DOCK2: variants seen among roughly 807,000 people sequenced by gnomAD.
The protein encoded by DOCK2 is dedicator of cytokinesis 2.
DOCK2 carries 87 observed loss-of-function variants against 248.9 expected under a neutral mutation model. The observed-to-expected ratio is 0.35, with a 90% confidence interval of 0.29 to 0.42. The LOEUF (loss-of-function observed/expected upper bound fraction) is 0.42. Ranked by LOEUF, DOCK2 falls within the 10% of genes least tolerant of loss-of-function variation. The pLI is 1.00. For missense variants in DOCK2, 1,747 were observed against 2,300.2 expected (o/e 0.76, Z 4.92); for synonymous variants, 805 against 821.6 (o/e 0.98, Z 0.35).
chr5:169,831,658 T>C (rs145264803), intron 26 of DOCK2, among the ~76,000 whole-genome samples: 422 of 152,350 alleles, frequency 2.8e-3, no homozygotes, highest in Admixed American at 2.7e-3. Flanking sequence ...CTTTCTCCCA[T>C]TTTATATGTG....
At chr5:169,898,488 G>A (rs1207686096) in intron 27 of DOCK2, among the ~76,000 whole-genome samples, 1 of 151,868 alleles carries the variant, frequency 6.6e-6, no homozygotes, top group African/African-American at 2.4e-5. Flanking sequence ...CTGTAACATG[G>A]GATTGATAGG....
At chr5:169,982,576 C>G (rs28469295) in intron 27 of DOCK2, among the ~76,000 whole-genome samples, 7,767 of 152,214 alleles carry the variant, frequency 0.051, 210 homozygotes, top group East Asian at 0.08. Flanking sequence ...TTCTTTCATC[C>G]CTCTCAGCTC....
chr5:169,683,438 C>T (rs919537130), intron 7 of DOCK2, among the ~76,000 whole-genome samples: 9 of 152,018 alleles, frequency 5.9e-5, no homozygotes, highest in South Asian at 2.1e-4. Flanking sequence ...ACTATGTTGC[C>T]GAGGCTGATC....
chr5:169,852,491 C>T (rs1770668590), intron 27 of DOCK2, among the ~76,000 whole-genome samples: 1 of 152,166 alleles, frequency 6.6e-6, no homozygotes, highest in African/African-American at 2.4e-5. Context: ...TCCTCCTTTC[C>T]TCAAGAAGGG....
At chr5:170,067,901 TGGGGCAGGGAGGGGCAGGAA>T (rs1757550735) in intron 45 of DOCK2, among the ~76,000 whole-genome samples, 2 of 152,132 alleles carry the variant, frequency 1.3e-5, no homozygotes, top group South Asian at 4.2e-4. Context: ...TACCCTGTGC[TGGGGCAGGGAGGGGCAGGAA>T]GGGGCAGGGG....
chr5:170,032,027 C>CTT (rs11362267), intron 34 of DOCK2, among the ~76,000 whole-genome samples: 10 of 142,118 alleles, frequency 7.0e-5, no homozygotes, highest in Non-Finnish European at 9.3e-5. Flanking sequence ...ACCAGTTGTT[C>CTT]TTTTTTTTTT....
At chr5:169,886,882 A>T (rs1042961897) in intron 27 of DOCK2, among the ~76,000 whole-genome samples, 1 of 152,206 alleles carries the variant, frequency 6.6e-6, no homozygotes, top group African/African-American at 2.4e-5. Context: ...CATAAGAGCT[A>T]ATGTCTAGTG....
At chr5:169,698,019 G>A (rs1760733866) in intron 10 of DOCK2, among the ~76,000 whole-genome samples, 2 of 152,202 alleles carry the variant, frequency 1.3e-5, no homozygotes, top group African/African-American at 4.8e-5. Context: ...GTCTGGTTTT[G>A]TAGGCATGGT....
intron 27 of DOCK2, among the ~76,000 whole-genome samples, chr5:169,927,613 A>G (rs918419620): frequency 1.3e-5 from 2 of 152,230 alleles, no homozygotes; most frequent in Non-Finnish European, 2.9e-5. Context: ...GGTAAAACAT[A>G]TAGGAAAAAT....
At chr5:169,973,262 C>T (rs961641630) in intron 27 of DOCK2, among the ~76,000 whole-genome samples, 1 of 152,178 alleles carries the variant, frequency 6.6e-6, no homozygotes, top group Admixed American at 6.5e-5. Context: ...TAAATCCTCA[C>T]CCACAATGCA....
At chr5:169,883,087 G>T in intron 27 of DOCK2, 2 of 1,551,674 alleles carry the variant, frequency 1.3e-6, no homozygotes, top group Non-Finnish European at 1.7e-6. Flanking sequence ...AAGTTCCTCT[G>T]TGCCTGGTGT....
At chr5:169,820,370 C>G (rs557031982) in intron 26 of DOCK2, among the ~76,000 whole-genome samples, 4 of 152,324 alleles carry the variant, frequency 2.6e-5, no homozygotes, top group South Asian at 2.1e-4. Context: ...AGGCACCCCC[C>G]AGTAGGGGCA....
chr5:169,706,110 G>A (rs759150714), intron 14 of DOCK2, among the ~76,000 whole-genome samples: 1 of 152,220 alleles, frequency 6.6e-6, no homozygotes, highest in Non-Finnish European at 1.5e-5. Context: ...GAGGCCTATG[G>A]CACTATCTTT....
intron 6 of DOCK2, 57 bp from the exon 7 acceptor site, chr5:169,681,687 A>T: frequency 6.3e-7 from 1 of 1,589,390 alleles, no homozygotes; most frequent in South Asian, 1.1e-5. Context: ...AAAGCTTCTC[A>T]CCAGTGACCT....
chr5:169,811,814 C>G (rs193073116), intron 26 of DOCK2, among the ~76,000 whole-genome samples: 1 of 151,030 alleles, frequency 6.6e-6, no homozygotes, highest in Admixed American at 6.6e-5. Flanking sequence ...TCTCAGGCAC[C>G]ACGTTACCTC....
intron 2 of DOCK2, among the ~76,000 whole-genome samples, 187 bp downstream of exon 2, chr5:169,654,673 A>G (rs1758002098): frequency 6.6e-6 from 1 of 152,262 alleles, no homozygotes; most frequent in African/African-American, 2.4e-5. Context: ...TATGTTTCAT[A>G]GCAAAAGCCT....
rs551984259 is a variant in DOCK2, at chr5:169,716,171, G to C, written c.1942-42G>C. 29 of 1,575,232 alleles carry C rather than the reference G, an allele frequency of 1.8e-5. 1 individual carries two copies. The South Asian group carries it at 3.0e-4, about 16-fold the overall frequency. On this transcript the variant is annotated intron_variant, in intron 19 of 51. Coordinates refer to ENST00000520908, the MANE Select transcript of DOCK2 (RefSeq NM_004946.3). ...GGGATTGCTGGTTCACCTGTACTTTGTCTTGTTTCTGAAGTAGTGCAACCT... is the reference window on the plus strand; with the variant it reads ...GGGATTGCTGGTTCACCTGTACTTTCTCTTGTTTCTGAAGTAGTGCAACCT...
chr5:170,022,515 G>A (rs545348585), intron 33 of DOCK2, among the ~76,000 whole-genome samples: 1 of 152,112 alleles, frequency 6.6e-6, no homozygotes, highest in African/African-American at 2.4e-5. Context: ...CCATCTCGGG[G>A]GTCTCTGTCC....
chr5:170,006,374 G>A (rs916558415), intron 30 of DOCK2, among the ~76,000 whole-genome samples: 16 of 152,100 alleles, frequency 1.1e-4, no homozygotes, highest in African/African-American at 3.9e-4. Flanking sequence ...GTGCAGTGGC[G>A]TGATCTCAGC....
Sources: allele counts gnomAD v4.1 joint callset (sites outside exome capture counted in the v4.1 genomes callset), GRCh38; gene constraint gnomAD v4.1.1; transcripts MANE v1.5; gene names NCBI Gene and HGNC (gene_info 2026-07-23, HGNC 2026-07-21).